Variants in PTH2R observed in about 807,000 individuals in gnomAD.
The protein encoded by PTH2R is parathyroid hormone 2 receptor.
PTH2R carries 59 observed loss-of-function variants against 60.3 expected under a neutral mutation model. That is an observed-to-expected ratio of 0.98 (90% confidence interval 0.79 to 1.22). The LOEUF (loss-of-function observed/expected upper bound fraction) is 1.22. Ranked by LOEUF, PTH2R falls within the 50% of genes most tolerant of loss-of-function variation. PTH2R has a pLI of 0.00. For missense variants in PTH2R, 749 were observed against 682.6 expected (o/e 1.10, Z -1.08); for synonymous variants, 256 against 243.8 (o/e 1.05, Z -0.47).
chr2:208,492,538 G>C (rs952278898), intron 12 of PTH2R, among the ~76,000 whole-genome samples: 1 of 152,120 alleles, frequency 6.6e-6, no homozygotes, highest in Admixed American at 6.5e-5. Context: ...AGTTATTTAA[G>C]ATAGAATTCT....
intron 1 of PTH2R, among the ~76,000 whole-genome samples, chr2:208,391,471 C>T (rs1320678452): frequency 6.6e-6 from 1 of 152,134 alleles, no homozygotes; most frequent in East Asian, 1.9e-4. Context: ...CCCTTTCTTT[C>T]TGATACATAC....
intron 1 of PTH2R, among the ~76,000 whole-genome samples, chr2:208,375,468 C>T (rs1368632498): frequency 2.0e-5 from 3 of 152,118 alleles, no homozygotes; most frequent in Non-Finnish European, 2.9e-5. Flanking sequence ...GTGAAGGCAA[C>T]GACCTATCTT....
intron 1 of PTH2R, among the ~76,000 whole-genome samples, chr2:208,375,693 C>T (rs1474278185): frequency 6.6e-6 from 1 of 152,112 alleles, no homozygotes. Flanking sequence ...GTGATGTGAA[C>T]AGAAAGGCTC....
chr2:208,365,960 A>T lies in PTH2R; in HGVS notation c.-259+5723A>T, dbSNP rs7605081. On this transcript the variant is annotated intron_variant, in intron 1 of 12. Transcript: ENST00000617735. ...TATATATATATATATATATATATAT[A>T]TTTTTTTTTTTTTTTTTTTTTTTTT... 4.6e-3 allele frequency among the ~76,000 whole-genome samples: 74 copies of T among 16,110 alleles called. 1 individual carries two copies. Among genetic ancestry groups the T allele is most frequent in the South Asian group, 9.1e-3 (2 of 220 alleles). 10.6% of individuals were successfully genotyped at this position (16,110 alleles called of 152,430 possible).
intron 9 of PTH2R, among the ~76,000 whole-genome samples, chr2:208,465,115 A>G (rs901055619): frequency 6.6e-6 from 1 of 152,058 alleles, no homozygotes; most frequent in East Asian, 1.9e-4. Context: ...AACTAGGACT[A>G]TAGGCATGTG....
chr2:208,393,593 A>G (rs1701149494), intron 1 of PTH2R, among the ~76,000 whole-genome samples: 1 of 152,124 alleles, frequency 6.6e-6, no homozygotes, highest in Non-Finnish European at 1.5e-5. Context: ...GGTCTGCTAT[A>G]GGAGACATGT....
At chr2:208,438,144 T>C (rs1559220231) in intron 4 of PTH2R, among the ~76,000 whole-genome samples, 1 of 3,706 alleles carries the variant, frequency 2.7e-4, no homozygotes. Context: ...GATTACATTG[T>C]TTACTTGCAT....
chr2:208,480,621 C>T (rs1703125181), intron 9 of PTH2R, among the ~76,000 whole-genome samples: 2 of 152,320 alleles, frequency 1.3e-5, no homozygotes, highest in Non-Finnish European at 2.9e-5. Context: ...ACACACACTT[C>T]ATATCACCTT....
chr2:208,481,943 C>CA (rs1703162350), intron 10 of PTH2R, among the ~76,000 whole-genome samples: 1 of 152,198 alleles, frequency 6.6e-6, no homozygotes, highest in African/African-American at 2.4e-5. Flanking sequence ...TGATTATTAT[C>CA]AAACTATCTT....
At chr2:208,440,729 T>A (rs2105868770) in intron 4 of PTH2R, among the ~76,000 whole-genome samples, 1 of 152,298 alleles carries the variant, frequency 6.6e-6, no homozygotes, top group Non-Finnish European at 1.5e-5. Flanking sequence ...AGACAAGGGC[T>A]AGCATAAAGA....
chr2:208,438,615 A>T (rs896155512), intron 4 of PTH2R, among the ~76,000 whole-genome samples: 1 of 152,216 alleles, frequency 6.6e-6, no homozygotes, highest in South Asian at 2.1e-4. Context: ...TTAAATTTAT[A>T]TCACTTAGAC....
At chr2:208,362,299 C>T (rs941335302) in intron 1 of PTH2R, among the ~76,000 whole-genome samples, 8 of 152,134 alleles carry the variant, frequency 5.3e-5, no homozygotes, top group African/African-American at 1.9e-4. Flanking sequence ...ACTTCTTGAC[C>T]TCCATAATCA....
intron 1 of PTH2R, among the ~76,000 whole-genome samples, chr2:208,412,035 T>C (rs1028671494): frequency 3.9e-5 from 6 of 152,230 alleles, no homozygotes; most frequent in African/African-American, 1.4e-4. Context: ...GGGGTGTGTA[T>C]GTATGTGAGA....
At chr2:208,487,486 C>T (rs1357233123) in intron 10 of PTH2R, among the ~76,000 whole-genome samples, 3 of 152,194 alleles carry the variant, frequency 2.0e-5, no homozygotes. Context: ...CCAGATTTGG[C>T]AATTTCTTGG....
At position 208,437,829 on chromosome 2, in the gene PTH2R, C is replaced by G; in HGVS notation, c.359C>G (p.Ala120Gly). ...ATGCACAGCTTAAATAAAACATGGG[C>G]CAATTATTCAGACTGCCTTCGCTTT... ...DFMHSLNKTW[A>G]NYSDCLRFLQ... The change falls in exon 4 of 13, where the codon GCC (alanine) becomes GGC (glycine). Residue 120 changes from alanine (A) to glycine (G), a missense_variant. Coordinates refer to ENST00000272847, the MANE Select transcript of PTH2R (RefSeq NM_005048.4). The G allele has an allele frequency of 1.9e-6, 3 of 1,613,688 alleles. No homozygotes were observed. In the South Asian group the frequency reaches 3.3e-5, roughly 18 times the overall value.
Position 208,450,802 on chromosome 2 carries a change from G to C in PTH2R, c.907G>C (p.Asp303His), listed in dbSNP as rs201254276. The C allele has an allele frequency of 8.2e-5, 133 of 1,613,966 alleles. No individual in the cohort carries two copies. Among genetic ancestry groups the C allele is most frequent in the Middle Eastern group, 5.0e-4 (3 of 6,060 alleles). ...AWAVARATLA[D>H]ARCWELSAGD... ...GGCTGTGGCACGAGCAACTCTGGCT[G>C]ATGCGAGGTGAGTGAAAAGGCAGGG... The change falls in exon 8 of 13, where the codon GAT (aspartate) becomes CAT (histidine). Residue 303 changes from aspartate to histidine, a missense_variant. Coordinates refer to ENST00000272847, the MANE Select transcript of PTH2R (RefSeq NM_005048.4).
chr2:208,365,966 T>A lies in PTH2R; in HGVS notation c.-259+5729T>A, dbSNP rs1218766083. 6.3e-3 allele frequency among the ~76,000 whole-genome samples: 214 copies of A among 34,184 alleles called. 1 individual carries two copies. Among genetic ancestry groups the A allele is most frequent in the Middle Eastern group, 0.013 (1 of 78 alleles). 22.4% of individuals were successfully genotyped at this position (34,184 alleles called of 152,430 possible). On this transcript the variant is annotated intron_variant, in intron 1 of 12. Coordinates refer to the PTH2R transcript ENST00000617735. ...TATATATATATATATATATATTTTTTTTTTTTTTTTTTTTTTTTTTTTTTT... is the reference window on the plus strand; with the variant it reads ...TATATATATATATATATATATTTTTATTTTTTTTTTTTTTTTTTTTTTTTT...
Position 208,493,499 on chromosome 2 carries a change from GT to G in PTH2R, c.1494del (p.Ser498ArgfsTer28). 6.2e-7 allele frequency: 1 copy of G among 1,613,438 alleles called. No homozygotes were observed. Among genetic ancestry groups the G allele is most frequent in the Non-Finnish European group, 8.5e-7 (1 of 1,179,748 alleles). ...ATCACTTTACCTGGCTATGTCTGGA[GT>G]AACTCAGAGCAGGACTGCCTGCCAC... ...SHITLPGYVW[S>X]NSEQDCLPHS... On this transcript the variant is annotated frameshift_variant, in exon 13 of 13. Coordinates refer to ENST00000272847, the MANE Select transcript of PTH2R (RefSeq NM_005048.4). LOFTEE classifies it low-confidence loss of function (END_TRUNC).
At chr2:208,433,889 T>G (rs1026781370) in intron 2 of PTH2R, among the ~76,000 whole-genome samples, 1 of 152,200 alleles carries the variant, frequency 6.6e-6, no homozygotes, top group Non-Finnish European at 1.5e-5. Context: ...AATTACAGAG[T>G]TATAATTAAT....
Sources: allele counts gnomAD v4.1 joint callset (sites outside exome capture counted in the v4.1 genomes callset), GRCh38; gene constraint gnomAD v4.1.1; transcripts MANE v1.5; gene names NCBI Gene and HGNC (gene_info 2026-07-23, HGNC 2026-07-21).